The following CSTF3 variants were observed in gnomAD, a reference collection of about 807,000 sequenced individuals.
CSTF3 encodes the protein cleavage stimulation factor subunit 3, also known as CF-1 77 kDa subunit.
Under a neutral mutation model 105.8 loss-of-function variants are expected in CSTF3, and 29 were observed. That is an observed-to-expected ratio of 0.27 (90% confidence interval 0.20 to 0.37). CSTF3 has a LOEUF of 0.37. CSTF3 is among the 10% of genes least tolerant of loss of function. The pLI, the probability that CSTF3 is intolerant of heterozygous loss-of-function variation, is 1.00. For missense variants in CSTF3, 357 were observed against 879.3 expected, an observed-to-expected ratio of 0.41 and a Z score of 7.51; for synonymous variants, 252 against 281.9, an observed-to-expected ratio of 0.89 and a Z score of 1.06.
chr11:33,131,171 A>C (rs1460424810), intron 3 of CSTF3, among the ~76,000 whole-genome samples: 1 of 152,252 alleles, frequency 6.6e-6, no homozygotes, highest in Non-Finnish European at 1.5e-5. Context: ...AAACTATGGA[A>C]GTATGGAGAA....
chr11:33,152,544 G>A (rs535979817), intron 1 of CSTF3, among the ~76,000 whole-genome samples: 9 of 152,230 alleles, frequency 5.9e-5, no homozygotes, highest in East Asian at 1.9e-4. Flanking sequence ...ATGTTTAACC[G>A]TCTGTTATGT....
chr11:33,092,413 C>A, intron 15 of CSTF3, 73 bp from the exon 16 acceptor site: 1 of 918,408 alleles, frequency 1.1e-6, no homozygotes, highest in Admixed American at 2.9e-5. Context: ...TATGCATTAT[C>A]TCACTTCATC....
chr11:33,099,510 T>TA lies in CSTF3; in HGVS notation c.936+97dup. 1.2e-6 allele frequency: 1 copy of TA among 826,056 alleles called. No homozygotes were observed. 51.2% of individuals were successfully genotyped at this position (826,056 alleles called of 1,614,324 possible). On this transcript the variant is annotated intron_variant, in intron 11 of 20. Transcript: ENST00000323959. This position sits in a 1 kb window ranked among gnomAD's most constrained non-coding sequence, Gnocchi z 4.1. ...AACGTAAACTTAAATTTTCAATACTTATGCTTTATTACCAAAATTCAGTTA... is the reference window on the plus strand; with the variant it reads ...AACGTAAACTTAAATTTTCAATACTTAATGCTTTATTACCAAAATTCAGTTA...
At chr11:33,152,302 A>G (rs1367336220) in intron 1 of CSTF3, among the ~76,000 whole-genome samples, 2 of 152,150 alleles carry the variant, frequency 1.3e-5, no homozygotes, top group Non-Finnish European at 2.9e-5. Flanking sequence ...ACGTATTATT[A>G]TTACTTTTTA....
intron 20 of CSTF3, 152 bp downstream of exon 20, chr11:33,085,561 T>C: frequency 1.4e-6 from 1 of 695,424 alleles, no homozygotes; most frequent in East Asian, 2.6e-5. Flanking sequence ...AGCCTTTCTC[T>C]GCCAAAGAGG....
chr11:33,117,681 A>T (rs1394921844), intron 3 of CSTF3, among the ~76,000 whole-genome samples: 2 of 150,118 alleles, frequency 1.3e-5, no homozygotes, highest in East Asian at 1.9e-4. Flanking sequence ...ATATATGAGG[A>T]TGTTCATTGA....
intron 1 of CSTF3, among the ~76,000 whole-genome samples, chr11:33,144,625 A>AAT (rs1483874154): frequency 3.7e-4 from 56 of 152,320 alleles, no homozygotes; most frequent in Non-Finnish European, 2.1e-4. Context: ...TGCCCAAATA[A>AAT]ACTTAAGAGA....
At chr11:33,087,759 T>C (rs1163550078) in intron 17 of CSTF3, among the ~76,000 whole-genome samples, 1 of 152,180 alleles carries the variant, frequency 6.6e-6, no homozygotes, top group Non-Finnish European at 1.5e-5. Context: ...TCACAAAGGT[T>C]TTGATATTTC....
chr11:33,121,518 CTAATTA>C (rs1855489823), intron 3 of CSTF3, among the ~76,000 whole-genome samples: 2 of 152,070 alleles, frequency 1.3e-5, no homozygotes, highest in African/African-American at 4.8e-5. Flanking sequence ...TTTACCTCCT[CTAATTA>C]TATTTGTGAT....
intron 3 of CSTF3, among the ~76,000 whole-genome samples, chr11:33,110,802 A>G (rs1298427877): frequency 6.6e-6 from 1 of 152,228 alleles, no homozygotes; most frequent in Non-Finnish European, 1.5e-5. Flanking sequence ...CATGTAATGA[A>G]AAGGCACTTC....
chr11:33,097,020 A>G, intron 13 of CSTF3, 42 bp from the exon 14 acceptor site: 1 of 1,442,720 alleles, frequency 6.9e-7, no homozygotes, highest in Non-Finnish European at 9.4e-7. Flanking sequence ...ATTAGACAGT[A>G]TGTTTCCTGC....
chr11:33,108,364 T>C, intron 4 of CSTF3, 22 bp downstream of exon 4: 1 of 1,456,694 alleles, frequency 6.9e-7, no homozygotes, highest in Middle Eastern at 1.8e-4. Context: ...CAATATAAAA[T>C]TCAAAGTATT....
chr11:33,089,680 A>G (rs1855146300), intron 17 of CSTF3, among the ~76,000 whole-genome samples: 1 of 152,232 alleles, frequency 6.6e-6, no homozygotes, highest in African/African-American at 2.4e-5. Flanking sequence ...AATTATGGGT[A>G]GTTTTTTCTC....
rs533789364 is a variant in CSTF3, at chr11:33,090,778, A to G, written c.1446-51T>C. The stretch of plus-strand genomic sequence containing the variant: ...ACTTTAATTATTCTGGGTTTAGGGC[A>G]GGGAGTTCATTTACAAAAACGCCTT... On this transcript the variant is annotated intron_variant, in intron 16 of 20. Coordinates refer to ENST00000323959, the MANE Select transcript of CSTF3 (RefSeq NM_001326.3). 1.2e-5 allele frequency: 16 copies of G among 1,318,570 alleles called. No homozygotes were observed. The South Asian group carries it at 2.9e-4, about 24-fold the overall frequency. 81.7% of individuals were successfully genotyped at this position (1,318,570 alleles called of 1,614,324 possible).
chr11:33,161,288 T>C lies in CSTF3; in HGVS notation c.27+11A>G, dbSNP rs1332065655. On this transcript the variant is annotated intron_variant, in intron 1 of 20. Coordinates refer to ENST00000323959, the MANE Select transcript of CSTF3 (RefSeq NM_001326.3). The stretch of plus-strand genomic sequence containing the variant: ...AGGTCGCCACGAGGCCCCACCACTC[T>C]CCTTCCTCACCTGCTCCGTGGCTCC... 1.2e-6 allele frequency: 2 copies of C among 1,613,262 alleles called. No homozygotes were observed. Among genetic ancestry groups the C allele is most frequent in the Non-Finnish European group, 1.7e-6 (2 of 1,179,990 alleles).
In CSTF3 at chr11:33,099,262, C is replaced by CATATAT; in HGVS notation, c.937-113_937-112insATATAT. 2.4e-6 allele frequency: 3 copies of CATATAT among 1,234,298 alleles called. No individual in the cohort carries two copies. The highest frequency in any genetic ancestry group is 3.4e-6 in the Non-Finnish European group (3 of 894,140). 76.5% of individuals were successfully genotyped at this position (1,234,298 alleles called of 1,614,324 possible). On this transcript the variant is annotated intron_variant, in intron 11 of 20. Transcript: ENST00000323959. The surrounding 1 kb of genome is among the most constrained non-coding windows in gnomAD (Gnocchi z 4.1). ...TTATTTATGTGTCTAAGAAAGCATA[C>CATATAT]ATGTATGTACACACATATATATGTA...
intron 12 of CSTF3, 113 bp downstream of exon 12, chr11:33,098,921 C>T: frequency 1.4e-6 from 2 of 1,425,398 alleles, no homozygotes; most frequent in African/African-American, 1.5e-5. Flanking sequence ...GTTCATTTGG[C>T]ATCATCTCTG....
At chr11:33,093,857 G>A (rs190078085) in intron 15 of CSTF3, among the ~76,000 whole-genome samples, 6 of 152,176 alleles carry the variant, frequency 3.9e-5, no homozygotes, top group South Asian at 2.1e-4. Flanking sequence ...ACAGGTGCAC[G>A]CCACCATGCC....
chr11:33,157,149 T>C (rs1352616268), intron 1 of CSTF3, among the ~76,000 whole-genome samples: 1 of 152,014 alleles, frequency 6.6e-6, no homozygotes, highest in East Asian at 1.9e-4. Flanking sequence ...GGTCAGGAGT[T>C]CAAGACCAGC....
Sources: gnomAD v4.1 joint callset for allele counts (sites outside exome capture counted in the v4.1 genomes callset) on GRCh38, gnomAD v4.1.1 for gene constraint, Gnocchi (gnomAD v3.1) non-coding constraint, MANE v1.5 for transcripts, NCBI Gene and HGNC (gene_info 2026-07-23, HGNC 2026-07-21) for gene names.